The following FAT3 variants were observed in gnomAD, a reference collection of about 807,000 sequenced individuals.
FAT3 encodes protocadherin Fat 3.
In FAT3, 95 loss-of-function variants were observed where a neutral mutation model predicts 310.2. The observed-to-expected ratio is 0.31, with a 90% CI of 0.26 to 0.36. The LOEUF (loss-of-function observed/expected upper bound fraction) is 0.36. Among genes scored for constraint, FAT3 ranks in the 10% least tolerant of loss-of-function variants. The pLI is 1.00. For synonymous variants in FAT3, 2,314 were observed against 2,192.9 expected (o/e 1.06, Z -1.54); for missense variants, 5,408 against 5,715.6 (o/e 0.95, Z 1.74).
At chr11:92,478,449 G>A (rs1437027648) in intron 2 of FAT3, among the ~76,000 whole-genome samples, 1 of 152,010 alleles carries the variant, frequency 6.6e-6, no homozygotes, top group Non-Finnish European at 1.5e-5. Context: ...ATTTGGCCTT[G>A]GCGACTACCA....
intron 1 of FAT3, among the ~76,000 whole-genome samples, chr11:92,327,279 C>T (rs775621195): frequency 4.6e-5 from 7 of 151,614 alleles, no homozygotes; most frequent in Non-Finnish European, 1.0e-4. Flanking sequence ...GCCATGGAAT[C>T]AGAGAATTCA....
chr11:92,661,885 T>C (rs1018165200), intron 3 of FAT3, among the ~76,000 whole-genome samples: 1 of 152,030 alleles, frequency 6.6e-6, no homozygotes, highest in Non-Finnish European at 1.5e-5. Flanking sequence ...AAAGAATCTT[T>C]GTGTTTTGTT....
At chr11:92,666,397 G>A (rs1942950619) in intron 3 of FAT3, among the ~76,000 whole-genome samples, 1 of 150,490 alleles carries the variant, frequency 6.6e-6, no homozygotes, top group Non-Finnish European at 1.5e-5. Context: ...TGTTGCCTAG[G>A]CTGGAGTGCA....
At chr11:92,260,896 C>T (rs1296208594) in intron 1 of FAT3, among the ~76,000 whole-genome samples, 1 of 151,954 alleles carries the variant, frequency 6.6e-6, no homozygotes, top group Non-Finnish European at 1.5e-5. Flanking sequence ...ATCAGACAGA[C>T]AGTAAAAAAA....
At chr11:92,714,207 G>A (rs369031879) in intron 4 of FAT3, among the ~76,000 whole-genome samples, 28 of 152,046 alleles carry the variant, frequency 1.8e-4, no homozygotes, top group South Asian at 2.1e-4. Context: ...ATATTGCTCC[G>A]AATTCACTTA....
chr11:92,840,844 T>C, intron 18 of FAT3, 85 bp downstream of exon 18: 4 of 1,302,766 alleles, frequency 3.1e-6, no homozygotes, highest in Non-Finnish European at 4.1e-6. Flanking sequence ...TTTTCTTTGC[T>C]GAGTAAGTCA....
intron 1 of FAT3, among the ~76,000 whole-genome samples, chr11:92,301,043 A>C (rs1311330528): frequency 6.6e-6 from 1 of 152,052 alleles, no homozygotes; most frequent in Non-Finnish European, 1.5e-5. Context: ...ACAGAAAATG[A>C]GCTCTTTCTC....
At chr11:92,476,687 G>T (rs1941438) in intron 2 of FAT3, among the ~76,000 whole-genome samples, 98,971 of 151,982 alleles carry the variant, frequency 0.65, 32,810 homozygotes, top group Non-Finnish European at 0.71. Flanking sequence ...CTTTATAAAC[G>T]AAGACACTCA....
intron 2 of FAT3, among the ~76,000 whole-genome samples, chr11:92,362,547 C>T (rs772044234): frequency 7.9e-5 from 12 of 152,226 alleles, no homozygotes; most frequent in Non-Finnish European, 1.2e-4. Context: ...ACACTGGTTA[C>T]TGTGGGCTGG....
chr11:92,880,582 C>G (rs1591847220), intron 22 of FAT3, 149 bp from the exon 23 acceptor site: 13 of 901,054 alleles, frequency 1.4e-5, no homozygotes, highest in East Asian at 2.7e-5. Flanking sequence ...CAAGATGTTT[C>G]AAGCAATCAA....
chr11:92,490,152 G>C (rs139468535), intron 2 of FAT3, among the ~76,000 whole-genome samples: 3 of 152,170 alleles, frequency 2.0e-5, no homozygotes, highest in African/African-American at 7.2e-5. Context: ...TTTGACAAAA[G>C]AAATAGCTCT....
intron 4 of FAT3, among the ~76,000 whole-genome samples, chr11:92,703,218 G>T (rs1166712178): frequency 2.6e-5 from 4 of 152,118 alleles, no homozygotes; most frequent in Non-Finnish European, 2.9e-5. Context: ...TCTTGCCTTA[G>T]GATGCAAATT....
chr11:92,334,555 T>C (rs543491909), intron 1 of FAT3, among the ~76,000 whole-genome samples: 3 of 152,118 alleles, frequency 2.0e-5, no homozygotes, highest in East Asian at 3.9e-4. Flanking sequence ...CCTAGGGTTT[T>C]TTTTTTCTTT....
chr11:92,781,159 C>T (rs1274980109), intron 7 of FAT3, among the ~76,000 whole-genome samples: 1 of 147,872 alleles, frequency 6.8e-6, no homozygotes, highest in African/African-American at 2.5e-5. Flanking sequence ...ACTGCAACCT[C>T]CACCTCCCAG....
chr11:92,479,947 C>T (rs1952173143), intron 2 of FAT3, among the ~76,000 whole-genome samples: 2 of 152,048 alleles, frequency 1.3e-5, no homozygotes, highest in African/African-American at 2.4e-5. Context: ...CCTCCCTCAC[C>T]AACAGGGTGA....
intron 2 of FAT3, among the ~76,000 whole-genome samples, chr11:92,431,235 T>G (rs1402580538): frequency 6.6e-6 from 1 of 152,226 alleles, no homozygotes; most frequent in African/African-American, 2.4e-5. Flanking sequence ...TCATTGTGGT[T>G]TTGATTTGCA....
chr11:92,878,182 G>T (rs145277090), intron 22 of FAT3, among the ~76,000 whole-genome samples: 115 of 152,226 alleles, frequency 7.6e-4, no homozygotes, highest in East Asian at 3.3e-3. Context: ...TGCAGAGTAA[G>T]CCAGCAGGCT....
intron 3 of FAT3, among the ~76,000 whole-genome samples, chr11:92,613,381 A>C (rs1389507500): frequency 7.8e-6 from 1 of 128,760 alleles, no homozygotes; most frequent in Non-Finnish European, 1.6e-5. Context: ...TTGAGTTCAA[A>C]AGTAATTAAA....
intron 2 of FAT3, among the ~76,000 whole-genome samples, chr11:92,491,205 T>TA (rs1952589083): frequency 6.6e-6 from 1 of 152,074 alleles, no homozygotes; most frequent in Non-Finnish European, 1.5e-5. Flanking sequence ...TCAAGTACTC[T>TA]AGCTTAGTGA....
Sources: allele counts gnomAD v4.1 joint callset (sites outside exome capture counted in the v4.1 genomes callset), GRCh38; gene constraint gnomAD v4.1.1; transcripts MANE v1.5; gene names NCBI Gene and HGNC (gene_info 2026-07-23, HGNC 2026-07-21).